SCN3A: variants seen among roughly 807,000 people sequenced by gnomAD.
SCN3A encodes the protein sodium voltage-gated channel alpha subunit 3.
A neutral mutation model predicts 187.6 loss-of-function variants in SCN3A; 60 were observed. The ratio of observed to expected loss-of-function variants is 0.32; its 90% CI spans 0.26 to 0.40. The LOEUF (loss-of-function observed/expected upper bound fraction) is 0.40. Among genes scored for constraint, SCN3A ranks in the 10% least tolerant of loss-of-function variants. The pLI is 1.00. For synonymous variants in SCN3A, 788 were observed against 829.2 expected (o/e 0.95, Z 0.85); for missense variants, 1,601 against 2,428.2 (o/e 0.66, Z 7.16).
chr2:165,197,329 T>C (rs1310101811), intron 1 of SCN3A, among the ~76,000 whole-genome samples: 3 of 152,270 alleles, frequency 2.0e-5, no homozygotes, highest in Non-Finnish European at 4.4e-5. Context: ...CTTTCTCTAG[T>C]CAATTGGTTT....
At position 165,144,139 on chromosome 2, in the gene SCN3A, C is replaced by A. The variant is rs1028858743; in HGVS notation, c.1671+2600G>T. On this transcript the variant is annotated intron_variant, in intron 12 of 27. Transcript: ENST00000283254. Reference sequence around the variant, plus strand: ...ATTTGATTTGAGCAGTATTTACTGTCTATCTTACGCTTCCTGTCCCCACCA... The same window carrying A: ...ATTTGATTTGAGCAGTATTTACTGTATATCTTACGCTTCCTGTCCCCACCA... Among the ~76,000 whole-genome samples the A allele has an allele frequency of 2.0e-5, 3 of 152,160 alleles. No individual in the cohort carries two copies. The East Asian group carries it at 5.8e-4, about 29-fold the overall frequency.
chr2:165,114,383 C>T (rs957777458), intron 19 of SCN3A, among the ~76,000 whole-genome samples: 2 of 152,196 alleles, frequency 1.3e-5, no homozygotes, highest in African/African-American at 4.8e-5. Flanking sequence ...CAGAAAATCT[C>T]GCTGTCTTCC....
At chr2:165,139,805 G>A (rs1687893520) in intron 13 of SCN3A, 197 bp from the exon 14 acceptor site, 2 of 604,186 alleles carry the variant, frequency 3.3e-6, no homozygotes, top group East Asian at 2.9e-5. Context: ...CTCTTTAAGA[G>A]GAATTCACCA....
At chr2:165,137,407 A>T (rs1009095262) in intron 15 of SCN3A, among the ~76,000 whole-genome samples, 2 of 152,162 alleles carry the variant, frequency 1.3e-5, no homozygotes, top group African/African-American at 4.8e-5. Flanking sequence ...CAAATTTAGC[A>T]ACTATTTTTT....
chr2:165,109,685 T>TC (rs1686025446), intron 21 of SCN3A, among the ~76,000 whole-genome samples: 1 of 152,072 alleles, frequency 6.6e-6, no homozygotes, highest in South Asian at 2.1e-4. Context: ...ACTCTTTGCC[T>TC]CCCCCTCTCC....
In SCN3A at chr2:165,115,592, A is replaced by AT; in HGVS notation, c.3394-18dup. 1 of 1,612,974 alleles carries AT rather than the reference A, an allele frequency of 6.2e-7. No homozygotes were observed. The highest frequency in any genetic ancestry group is 8.5e-7 in the Non-Finnish European group (1 of 1,179,120). ...ATTTAATTTCTGGAAACAAAATCCC[A>AT]TTTCAAAGATGTGATTTTCCCCCTT... On this transcript the variant is annotated splice_polypyrimidine_tract_variant and intron_variant, in intron 18 of 27. Coordinates refer to ENST00000283254, the MANE Select transcript of SCN3A (RefSeq NM_006922.4).
At chr2:165,190,710 A>G (rs1417242294) in intron 1 of SCN3A, among the ~76,000 whole-genome samples, 1 of 150,750 alleles carries the variant, frequency 6.6e-6, no homozygotes, top group Non-Finnish European at 1.5e-5. Context: ...ATTCTTTAGC[A>G]TGATTCTATA....
rs1691255839 is a variant in SCN3A, at chr2:165,186,572, T to G, written c.-72A>C. The G allele has an allele frequency of 6.6e-6, 1 of 152,160 alleles. No homozygotes were observed. Among genetic ancestry groups the G allele is most frequent in the Non-Finnish European group, 1.5e-5 (1 of 68,028 alleles). The allele number at this position is 152,160 out of a possible 1,614,324, so 9.4% of individuals were successfully genotyped here. A position where few individuals can be genotyped will look rare whatever the true frequency, so the allele number is the denominator to read the frequency against. On this transcript the variant is annotated 5_prime_UTR_variant, in exon 2 of 28. Coordinates refer to ENST00000283254, the MANE Select transcript of SCN3A (RefSeq NM_006922.4). The stretch of plus-strand genomic sequence containing the variant: ...TTACCTTAGATAGTCACAGCACCTT[T>G]TTCCGGAAAAGCTCCAGGTCCCTTC...
intron 1 of SCN3A, 58 bp from the exon 2 acceptor site, chr2:165,186,805 G>A (rs1011741539): frequency 9.9e-5 from 15 of 152,068 alleles, no homozygotes; most frequent in African/African-American, 3.4e-4. Flanking sequence ...TGGCATAGGG[G>A]TGCTCTGGCT....
chr2:165,106,699 G>T (rs551825146), intron 21 of SCN3A, among the ~76,000 whole-genome samples: 1 of 152,288 alleles, frequency 6.6e-6, no homozygotes, highest in East Asian at 1.9e-4. Context: ...CTCAGTTAAG[G>T]TTGGTTGTTA....
intron 21 of SCN3A, among the ~76,000 whole-genome samples, chr2:165,109,343 C>T (rs1686006934): frequency 6.6e-6 from 1 of 152,122 alleles, no homozygotes; most frequent in Non-Finnish European, 1.5e-5. Flanking sequence ...ACATAAGATT[C>T]TGGATTCTCT....
At position 165,091,081 on chromosome 2, in the gene SCN3A, T is replaced by A; in HGVS notation, c.5072A>T (p.Asn1691Ile). ...KKEAGIDDMF[N>I]FETFGNSMIC... ...CATGCTGTTGCCAAAGGTCTCAAAGTTGAACATGTCATCAATTCCAGCTTC... is the reference window on the plus strand; with the variant it reads ...CATGCTGTTGCCAAAGGTCTCAAAGATGAACATGTCATCAATTCCAGCTTC... Residue 1691 changes from asparagine (N) to isoleucine (I), a missense_variant, in exon 28 of 28, where the codon AAC becomes ATC. Coordinates refer to ENST00000283254, the MANE Select transcript of SCN3A (RefSeq NM_006922.4). The A allele has an allele frequency of 6.2e-7, 1 of 1,614,078 alleles. No homozygotes were observed. The highest frequency in any genetic ancestry group is 8.5e-7 in the Non-Finnish European group (1 of 1,179,988).
chr2:165,181,920 T>A (rs1012286408), intron 2 of SCN3A, among the ~76,000 whole-genome samples: 3 of 152,188 alleles, frequency 2.0e-5, no homozygotes, highest in Non-Finnish European at 4.4e-5. Context: ...GAAATTAATA[T>A]GTACTGCTTC....
intron 11 of SCN3A, among the ~76,000 whole-genome samples, chr2:165,151,286 T>C (rs560562997): frequency 2.0e-5 from 3 of 152,322 alleles, no homozygotes; most frequent in South Asian, 2.1e-4. Flanking sequence ...CTCAGAATTG[T>C]TAAAAACTTA....
rs954449352 is a variant in SCN3A, at chr2:165,141,082, C to A, written c.1672-84G>T. ...TTAATAAATATTAATATTAAAGGAT[C>A]TGTTTTCTTTGGAGTTAGTATACTC... On this transcript the variant is annotated intron_variant, in intron 12 of 27. Coordinates refer to ENST00000283254, the MANE Select transcript of SCN3A (RefSeq NM_006922.4). 62 of 870,954 alleles carry A rather than the reference C, an allele frequency of 7.1e-5. No individual in the cohort carries two copies. In the African/African-American group the frequency reaches 9.4e-4, roughly 13 times the overall value. The allele number at this position is 870,954 out of a possible 1,614,324, so 54.0% of individuals were successfully genotyped here. A position where few individuals can be genotyped will look rare whatever the true frequency, so the allele number is the denominator to read the frequency against.
At position 165,181,005 on chromosome 2, in the gene SCN3A, A is replaced by G. The variant is rs372594178; in HGVS notation, c.-50-4561T>C. ...AAATTCTTATTAACTAATAATAAGC[A>G]CTTGTATGTTTATACAGACAATAGA... On this transcript the variant is annotated intron_variant, in intron 2 of 27. Coordinates refer to ENST00000283254, the MANE Select transcript of SCN3A (RefSeq NM_006922.4). 1.1e-4 allele frequency among the ~76,000 whole-genome samples: 17 copies of G among 152,332 alleles called. No homozygotes were observed. The South Asian group carries it at 3.5e-3, about 32-fold the overall frequency.
chr2:165,126,574 TCCTCCCTC>T (rs1308143016), intron 18 of SCN3A, among the ~76,000 whole-genome samples: 25 of 141,154 alleles, frequency 1.8e-4, no homozygotes, highest in East Asian at 6.4e-4. Context: ...TCCCCTTCCT[TCCTCCCTC>T]CCTCCCTCCC....
chr2:165,159,200 C>A lies in SCN3A; in HGVS notation c.1031+3108G>T, dbSNP rs976547901. Among the ~76,000 whole-genome samples the A allele has an allele frequency of 4.4e-5, 6 of 137,902 alleles. No individual in the cohort carries two copies. The Admixed American group carries it at 4.5e-4, about 10-fold the overall frequency. 90.5% of individuals were successfully genotyped at this position (137,902 alleles called of 152,430 possible). A position where few individuals can be genotyped will look rare whatever the true frequency, so the allele number is the denominator to read the frequency against. On this transcript the variant is annotated intron_variant, in intron 9 of 27. Coordinates refer to ENST00000283254, the MANE Select transcript of SCN3A (RefSeq NM_006922.4). ...GCAATTCCCTAATGACAAATGATGTCGAGTGCCTTTTTACCTCCTTAATAA... is the reference window on the plus strand; with the variant it reads ...GCAATTCCCTAATGACAAATGATGTAGAGTGCCTTTTTACCTCCTTAATAA...
intron 19 of SCN3A, 24 bp from the exon 20 acceptor site, chr2:165,113,994 A>T (rs1314956330): frequency 3.9e-5 from 55 of 1,422,550 alleles, no homozygotes; most frequent in Non-Finnish European, 5.0e-5. Flanking sequence ...ATAGTTAATT[A>T]AAAAATATAT....
Sources: allele counts gnomAD v4.1 joint callset (sites outside exome capture counted in the v4.1 genomes callset), GRCh38; gene constraint gnomAD v4.1.1; transcripts MANE v1.5; gene names NCBI Gene and HGNC (gene_info 2026-07-23, HGNC 2026-07-21).